The following GULP1 variants were observed in gnomAD, a reference collection of about 807,000 sequenced individuals.
GULP1 encodes PTB domain-containing engulfment adapter protein 1.
GULP1 carries 19 observed loss-of-function variants against 40.9 expected under a neutral mutation model. The ratio of observed to expected loss-of-function variants is 0.46; its 90% CI spans 0.32 to 0.68. The LOEUF (loss-of-function observed/expected upper bound fraction) is 0.68. Among genes scored for constraint, GULP1 ranks in the 30% least tolerant of loss-of-function variants. The pLI, the probability that GULP1 is intolerant of heterozygous loss-of-function variation, is 0.03. For missense variants in GULP1, 312 were observed against 362.2 expected, an observed-to-expected ratio of 0.86 and a Z score of 1.12; for synonymous variants, 119 against 117.6, an observed-to-expected ratio of 1.01 and a Z score of -0.08.
intron 11 of GULP1, chr2:188,592,734 T>C (rs1703819902): frequency 6.6e-6 from 1 of 152,088 alleles, no homozygotes; most frequent in Non-Finnish European, 1.5e-5. Context: ...TTACATTGGA[T>C]TTATAGAAAG....
intron 2 of GULP1, among the ~76,000 whole-genome samples, chr2:188,433,831 T>C (rs1328007383): frequency 6.6e-6 from 1 of 152,092 alleles, no homozygotes; most frequent in African/African-American, 2.4e-5. Flanking sequence ...CTTGATTTAA[T>C]TTTGCTTTAT....
At chr2:188,557,952 G>A (rs1395482510) in intron 7 of GULP1, among the ~76,000 whole-genome samples, 1 of 152,178 alleles carries the variant, frequency 6.6e-6, no homozygotes, top group Non-Finnish European at 1.5e-5. Context: ...AGGGCAGTGG[G>A]GCCATGGGCC....
chr2:188,573,597 G>A (rs1699564851), intron 9 of GULP1, among the ~76,000 whole-genome samples: 1 of 152,118 alleles, frequency 6.6e-6, no homozygotes, highest in Non-Finnish European at 1.5e-5. Flanking sequence ...GGCTAGCAAA[G>A]TAAATGTTTA....
intron 2 of GULP1, among the ~76,000 whole-genome samples, chr2:188,386,447 T>G (rs2049764918): frequency 6.6e-6 from 1 of 152,198 alleles, no homozygotes; most frequent in Admixed American, 6.5e-5. Context: ...ATATATATAC[T>G]TTGTTGATTT....
chr2:188,363,759 A>G (rs1178050883), intron 1 of GULP1, among the ~76,000 whole-genome samples: 1 of 152,182 alleles, frequency 6.6e-6, no homozygotes, highest in East Asian at 1.9e-4. Context: ...AAAGGAAGAA[A>G]TACTGTATAA....
intron 4 of GULP1, among the ~76,000 whole-genome samples, chr2:188,518,754 T>C (rs1463154743): frequency 6.6e-6 from 1 of 152,198 alleles, no homozygotes; most frequent in Non-Finnish European, 1.5e-5. Context: ...GATAAGGGAA[T>C]GGCAATCCCT....
intron 2 of GULP1, among the ~76,000 whole-genome samples, chr2:188,402,020 C>T (rs114386181): frequency 3.1e-3 from 478 of 152,174 alleles, no homozygotes; most frequent in African/African-American, 0.011. Context: ...GAGAACAGAA[C>T]GTATTTGCAC....
intron 7 of GULP1, among the ~76,000 whole-genome samples, chr2:188,552,249 C>G (rs1204892598): frequency 6.6e-6 from 1 of 151,672 alleles, no homozygotes; most frequent in African/African-American, 2.4e-5. Context: ...CTGCCTAGCC[C>G]AATGTTCAGT....
chr2:188,519,172 TATTTTA>T (rs1027763503), intron 4 of GULP1, among the ~76,000 whole-genome samples: 3 of 152,144 alleles, frequency 2.0e-5, no homozygotes, highest in African/African-American at 7.2e-5. Context: ...TATTAAGATA[TATTTTA>T]ATTTAATACC....
chr2:188,415,919 T>G (rs2054521781), intron 2 of GULP1, among the ~76,000 whole-genome samples: 1 of 152,192 alleles, frequency 6.6e-6, no homozygotes, highest in South Asian at 2.1e-4. Context: ...GATGCCCCAG[T>G]GCTCTGTTAG....
intron 1 of GULP1, among the ~76,000 whole-genome samples, chr2:188,342,161 G>A (rs2043058479): frequency 6.6e-6 from 1 of 152,160 alleles, no homozygotes; most frequent in African/African-American, 2.4e-5. Flanking sequence ...CTTGGTGGCT[G>A]AAAGCAGCAG....
chr2:188,448,467 T>C (rs190593925), intron 2 of GULP1, among the ~76,000 whole-genome samples: 44 of 152,238 alleles, frequency 2.9e-4, no homozygotes, highest in African/African-American at 9.1e-4. Flanking sequence ...AGAATTGAAT[T>C]TTTATGGCAT....
chr2:188,462,060 T>C (rs765808207), intron 2 of GULP1, among the ~76,000 whole-genome samples: 15 of 152,112 alleles, frequency 9.9e-5, no homozygotes. Flanking sequence ...TTGGAGTCAC[T>C]TACAGCTATA....
At chr2:188,502,046 T>C (rs1388779403) in intron 4 of GULP1, among the ~76,000 whole-genome samples, 1 of 152,000 alleles carries the variant, frequency 6.6e-6, no homozygotes, top group African/African-American at 2.4e-5. Flanking sequence ...AAAATATATT[T>C]GTTAATGATT....
At chr2:188,356,039 A>G (rs62183205) in intron 1 of GULP1, among the ~76,000 whole-genome samples, 4,133 of 152,238 alleles carry the variant, frequency 0.027, 94 homozygotes, top group Middle Eastern at 0.065. Context: ...ATGCCTCAAC[A>G]TAATAAAAGC....
At chr2:188,529,423 C>A (rs916019562) in intron 6 of GULP1, among the ~76,000 whole-genome samples, 1 of 152,000 alleles carries the variant, frequency 6.6e-6, no homozygotes, top group African/African-American at 2.4e-5. Flanking sequence ...ATGTTAAGTG[C>A]ATTCAACAGT....
At chr2:188,588,017 A>G (rs1465017055) in intron 11 of GULP1, 68 bp downstream of exon 11, 1 of 848,400 alleles carries the variant, frequency 1.2e-6, no homozygotes. Flanking sequence ...AGAGAATGTT[A>G]TGTACCAAAA....
At chr2:188,427,584 G>A (rs1171892928) in intron 2 of GULP1, among the ~76,000 whole-genome samples, 2 of 152,198 alleles carry the variant, frequency 1.3e-5, no homozygotes, top group Non-Finnish European at 2.9e-5. Context: ...TACAGCATGG[G>A]CCACTGCTTC....
chr2:188,525,342 G>A (rs1273044221), intron 5 of GULP1, among the ~76,000 whole-genome samples: 1 of 151,924 alleles, frequency 6.6e-6, no homozygotes, highest in Non-Finnish European at 1.5e-5. Flanking sequence ...AGTGAGCCGC[G>A]ATCGCGCCAT....
Sources: allele counts gnomAD v4.1 joint callset (sites outside exome capture counted in the v4.1 genomes callset), GRCh38; gene constraint gnomAD v4.1.1; transcripts MANE v1.5; gene names NCBI Gene and HGNC (gene_info 2026-07-23, HGNC 2026-07-21).